Variants in MYH9 observed in about 807,000 individuals in gnomAD.
MYH9 encodes the protein myosin-9.
Under a neutral mutation model 241.9 loss-of-function variants are expected in MYH9, and 29 were observed. The ratio of observed to expected loss-of-function variants is 0.12; its 90% CI spans 0.09 to 0.16. The LOEUF (loss-of-function observed/expected upper bound fraction) is 0.16. Among genes scored for constraint, MYH9 ranks in the 10% least tolerant of loss-of-function variants. MYH9 has a pLI of 1.00. For missense variants in MYH9, 1,803 were observed against 2,595.5 expected, an observed-to-expected ratio of 0.69 and a Z score of 6.63; for synonymous variants, 1,047 against 1,062.6, an observed-to-expected ratio of 0.99 and a Z score of 0.29.
Position 36,282,528 on chromosome 22 carries a change from A to AT in MYH9, c.*139dup, listed in dbSNP as rs1195626381. 7 of 841,296 alleles carry AT rather than the reference A, an allele frequency of 8.3e-6. No homozygotes were observed. Among genetic ancestry groups the AT allele is most frequent in the African/African-American group, 1.7e-5 (1 of 60,212 alleles). 52.1% of individuals were successfully genotyped at this position (841,296 alleles called of 1,614,324 possible). A position where few individuals can be genotyped will look rare whatever the true frequency, so the allele number is the denominator to read the frequency against. ...TCAACAACACCTGGAGGGAAACGGG[A>AT]TGGGGGGACGGGGCGGAGGGCAGGA... On this transcript the variant is annotated 3_prime_UTR_variant, in exon 41 of 41. Coordinates refer to ENST00000216181, the MANE Select transcript of MYH9 (RefSeq NM_002473.6).
intron 1 of MYH9, among the ~76,000 whole-genome samples, chr22:36,372,440 G>C (rs1815864082): frequency 6.7e-6 from 1 of 148,348 alleles, no homozygotes; most frequent in Non-Finnish European, 1.5e-5. Flanking sequence ...AATAAGCTAT[G>C]ATTGTGCCAC....
Position 36,295,739 on chromosome 22 carries a change from T to G in MYH9, c.3273-22A>C. 1 of 1,604,636 alleles carries G rather than the reference T, an allele frequency of 6.2e-7. No homozygotes were observed. Among genetic ancestry groups the G allele is most frequent in the Non-Finnish European group, 8.5e-7 (1 of 1,174,734 alleles). On this transcript the variant is annotated intron_variant, in intron 25 of 40. Transcript: ENST00000216181. The surrounding 1 kb of genome is among the most constrained non-coding windows in gnomAD (Gnocchi z 4.1). ...CACTCTGCCAAAGCGACCAGCAACATCAGTATAAGGAGAGTTTCACCTCCA... is the reference window on the plus strand; with the variant it reads ...CACTCTGCCAAAGCGACCAGCAACAGCAGTATAAGGAGAGTTTCACCTCCA...
chr22:36,285,066 G>C lies in MYH9; in HGVS notation c.5483+55C>G. ...GCCCAGATTTGGGCAGGACTGCAGG[G>C]GGGCCAGAGTTTTTTCCAGGACAGC... On this transcript the variant is annotated intron_variant, in intron 38 of 40. Transcript: ENST00000216181. This position sits in a 1 kb window ranked among gnomAD's most constrained non-coding sequence, Gnocchi z 7.0. The C allele has an allele frequency of 6.4e-7, 1 of 1,554,844 alleles. No homozygotes were observed. Among genetic ancestry groups the C allele is most frequent in the Non-Finnish European group, 8.8e-7 (1 of 1,133,258 alleles).
At position 36,320,149 on chromosome 22, in the gene MYH9, T is replaced by C; in HGVS notation, c.1012+71A>G. The C allele has an allele frequency of 1.3e-6, 2 of 1,551,308 alleles. No homozygotes were observed. The highest frequency in any genetic ancestry group is 1.7e-6 in the Non-Finnish European group (2 of 1,148,514). On this transcript the variant is annotated intron_variant, in intron 9 of 40. Coordinates refer to ENST00000216181, the MANE Select transcript of MYH9 (RefSeq NM_002473.6). This position sits in a 1 kb window ranked among gnomAD's most constrained non-coding sequence, Gnocchi z 4.8. ...GGCTCCCCAGGCCCATCGGCTACCC[T>C]GATGCCCCGAGGCCGTGGGTACCAG...
chr22:36,365,163 CATA>C (rs1438609459), intron 1 of MYH9: 1 of 152,240 alleles, frequency 6.6e-6, no homozygotes, highest in East Asian at 1.9e-4. Context: ...CCACTGAGCT[CATA>C]ATGAGTCAGT....
chr22:36,364,605 G>A (rs556522901), intron 1 of MYH9, among the ~76,000 whole-genome samples: 61 of 151,882 alleles, frequency 4.0e-4, no homozygotes, highest in African/African-American at 1.3e-3. Context: ...CCCACCCCCT[G>A]CCTCACTGAT....
chr22:36,303,612 C>T (rs186079452), intron 19 of MYH9, among the ~76,000 whole-genome samples: 9 of 151,736 alleles, frequency 5.9e-5, no homozygotes, highest in African/African-American at 2.2e-4. Context: ...GACGAAACCC[C>T]GTCTCTACTA....
In MYH9 at chr22:36,338,681, G is replaced by A. The variant is rs571532622; in HGVS notation, c.490+2689C>T. ...AAAAATACAAAAAAATTAGCCAGGCGTGGTAGCATGCACCTGTAATCCCAG... is the reference window on the plus strand; with the variant it reads ...AAAAATACAAAAAAATTAGCCAGGCATGGTAGCATGCACCTGTAATCCCAG... On this transcript the variant is annotated intron_variant, in intron 3 of 40. Transcript: ENST00000216181. Among the ~76,000 whole-genome samples the A allele has an allele frequency of 1.1e-4, 17 of 152,108 alleles. No homozygotes were observed. In the South Asian group the frequency reaches 3.5e-3, roughly 32 times the overall value.
Position 36,295,570 on chromosome 22 carries a change from C to T in MYH9, c.3420G>A (p.Glu1140=). 1 of 1,614,004 alleles carries T rather than the reference C, an allele frequency of 6.2e-7. No homozygotes were observed. Among genetic ancestry groups the T allele is most frequent in the South Asian group, 1.1e-5 (1 of 91,076 alleles). Reference sequence around the variant, plus strand: ...CCAACTCTGTTTTCAGAGCCTCTAGCTCTTCCCCAAGGTCCCGTTTCTGCT... The same window carrying T: ...CCAACTCTGTTTTCAGAGCCTCTAGTTCTTCCCCAAGGTCCCGTTTCTGCT... ...AEKQKRDLGE[E]LEALKTELED... Residue 1140 remains glutamate (E), a synonymous_variant, in exon 26 of 41, where the codon GAG becomes GAA. Coordinates refer to ENST00000216181, the MANE Select transcript of MYH9 (RefSeq NM_002473.6). This position sits in a 1 kb window ranked among gnomAD's most constrained non-coding sequence, Gnocchi z 4.1.
At chr22:36,296,244 T>G (rs1272278420) in intron 25 of MYH9, among the ~76,000 whole-genome samples, 1 of 149,560 alleles carries the variant, frequency 6.7e-6, no homozygotes, top group African/African-American at 2.5e-5. Context: ...AGTCTCTTTC[T>G]TTTTTTTTTA....
intron 2 of MYH9, among the ~76,000 whole-genome samples, chr22:36,346,655 T>G (rs2017682659): frequency 6.6e-6 from 1 of 152,138 alleles, no homozygotes; most frequent in South Asian, 2.1e-4. Context: ...CAGGCTGGAG[T>G]GCAGTGGTGC....
chr22:36,297,717 A>G (rs1464746512), intron 24 of MYH9, among the ~76,000 whole-genome samples: 1 of 152,228 alleles, frequency 6.6e-6, no homozygotes, highest in Non-Finnish European at 1.5e-5. Context: ...CCCGTCCTGC[A>G]GCTGGCGGGC....
intron 7 of MYH9, 140 bp from the exon 8 acceptor site, chr22:36,321,036 T>G: frequency 1.5e-6 from 1 of 651,052 alleles, no homozygotes; most frequent in Non-Finnish European, 2.7e-6. Context: ...CACTGCAGCC[T>G]CCACCTCCTG....
chr22:36,305,896 G>A lies in MYH9; in HGVS notation c.2159+34C>T. ...TGGGACTCACTGCACGCACAGCAGG[G>A]CCCAGGAGAAGCGGGCTCCGGGCCC... On this transcript the variant is annotated intron_variant, in intron 17 of 40. Coordinates refer to ENST00000216181, the MANE Select transcript of MYH9 (RefSeq NM_002473.6). The surrounding 1 kb of genome is among the most constrained non-coding windows in gnomAD (Gnocchi z 4.7). 1.9e-6 allele frequency: 3 copies of A among 1,611,984 alleles called. No individual in the cohort carries two copies. The highest frequency in any genetic ancestry group is 1.7e-4 in the Middle Eastern group (1 of 5,950).
chr22:36,333,713 C>G (rs1248808242), intron 3 of MYH9, among the ~76,000 whole-genome samples: 4 of 152,084 alleles, frequency 2.6e-5, no homozygotes, highest in Non-Finnish European at 5.9e-5. Flanking sequence ...TTCCAGAAAT[C>G]AGGTATGTAA....
intron 25 of MYH9, among the ~76,000 whole-genome samples, chr22:36,296,016 C>T (rs911782034): frequency 1.8e-4 from 27 of 152,150 alleles, no homozygotes; most frequent in Admixed American, 2.6e-4. Context: ...GGAAATAAAA[C>T]GCTACACCAC....
At chr22:36,299,874 C>T (rs957744673) in intron 23 of MYH9, among the ~76,000 whole-genome samples, 5 of 152,216 alleles carry the variant, frequency 3.3e-5, no homozygotes, top group African/African-American at 4.8e-5. Flanking sequence ...TCGGGTCTCA[C>T]GGCTGGCAAA....
chr22:36,359,167 T>G (rs1341837618), intron 1 of MYH9, among the ~76,000 whole-genome samples: 1 of 152,252 alleles, frequency 6.6e-6, no homozygotes. Flanking sequence ...CTTGTTCCAC[T>G]GTAACCAAAC....
rs1041470386 is a variant in MYH9 at position 36,383,567 on chromosome 22, G to C, written c.-20+4240C>G. On this transcript the variant is annotated intron_variant, in intron 1 of 40. Coordinates refer to ENST00000216181, the MANE Select transcript of MYH9 (RefSeq NM_002473.6). ...TGCACAGAGGCAGAAAGAACACCGA[G>C]CTAGAAGCCAGGAAAACAATCTGTC... 5.9e-5 allele frequency among the ~76,000 whole-genome samples: 9 copies of C among 151,774 alleles called. No homozygotes were observed. The South Asian group carries it at 1.9e-3, about 32-fold the overall frequency.
Sources: allele counts gnomAD v4.1 joint callset (sites outside exome capture counted in the v4.1 genomes callset), GRCh38; gene constraint gnomAD v4.1.1; non-coding constraint Gnocchi (gnomAD v3.1); transcripts MANE v1.5; gene names NCBI Gene and HGNC (gene_info 2026-07-23, HGNC 2026-07-21).